Variants in SORT1 observed in about 807,000 individuals in gnomAD.
SORT1 encodes sortilin.
In SORT1, 39 loss-of-function variants were observed where a neutral mutation model predicts 101.7. The ratio of observed to expected loss-of-function variants is 0.38; its 90% CI spans 0.30 to 0.50. The LOEUF (loss-of-function observed/expected upper bound fraction) is 0.50. SORT1 is among the 20% of genes least tolerant of loss of function. The pLI, the probability that SORT1 is intolerant of heterozygous loss-of-function variation, is 0.90. For synonymous variants in SORT1, 396 were observed against 393.7 expected, an observed-to-expected ratio of 1.01 and a Z score of -0.07; for missense variants, 878 against 1,040.4, an observed-to-expected ratio of 0.84 and a Z score of 2.15.
intron 7 of SORT1, among the ~76,000 whole-genome samples, chr1:109,346,744 C>CA (rs1035471524): frequency 0.058 from 2,664 of 45,746 alleles, 130 homozygotes; most frequent in African/African-American, 0.17. Context: ...GACTCCGTCT[C>CA]AAAAAAAAAA....
At position 109,379,034 on chromosome 1, in the gene SORT1, T is replaced by G. The variant is rs528831781; in HGVS notation, c.307-9445A>C. ...GGCACACACCTGTAGGCCCAGCTAC[T>G]GAGGAGGCTGAGGCAGAAGAATTGC... On this transcript the variant is annotated intron_variant, in intron 1 of 19. Coordinates refer to ENST00000256637, the MANE Select transcript of SORT1 (RefSeq NM_002959.7). Among the ~76,000 whole-genome samples, 12 of 151,408 alleles carry G rather than the reference T, an allele frequency of 7.9e-5. No homozygotes were observed. In the South Asian group the frequency reaches 2.5e-3, roughly 32 times the overall value.
At chr1:109,357,086 C>G (rs1331178024) in intron 3 of SORT1, among the ~76,000 whole-genome samples, 3 of 152,176 alleles carry the variant, frequency 2.0e-5, no homozygotes, top group Non-Finnish European at 2.9e-5. Context: ...TGTTACCATG[C>G]CTTTTCTATG....
intron 15 of SORT1, among the ~76,000 whole-genome samples, chr1:109,318,899 C>T: frequency 6.6e-6 from 1 of 152,174 alleles, no homozygotes; most frequent in Non-Finnish European, 1.5e-5. Context: ...TCCACCTCAG[C>T]CTCCCAAAGT....
intron 1 of SORT1, among the ~76,000 whole-genome samples, chr1:109,380,584 C>T (rs1382711742): frequency 6.6e-6 from 1 of 151,880 alleles, no homozygotes; most frequent in Non-Finnish European, 1.5e-5. Flanking sequence ...GCCAAAACCT[C>T]AAACAGGTTT....
chr1:109,381,142 A>G (rs986835730), intron 1 of SORT1, among the ~76,000 whole-genome samples: 7 of 152,180 alleles, frequency 4.6e-5, no homozygotes, highest in African/African-American at 1.7e-4. Flanking sequence ...CATGTGCCTG[A>G]GCAAATCCTA....
chr1:109,313,944 C>T lies in SORT1; in HGVS notation c.*99G>A. ...GAAGCAGCAGAAACAGAGCTGGGTC[C>T]CTCGCAATGGGAAATTTATTTCCTG... On this transcript the variant is annotated 3_prime_UTR_variant, in exon 20 of 20. Transcript: ENST00000256637. 1.6e-6 allele frequency: 2 copies of T among 1,217,912 alleles called. No homozygotes were observed. Among genetic ancestry groups the T allele is most frequent in the Admixed American group, 1.8e-5 (1 of 54,744 alleles). The allele number at this position is 1,217,912 out of a possible 1,614,324, so 75.4% of individuals were successfully genotyped here. A position where few individuals can be genotyped will look rare whatever the true frequency, so the allele number is the denominator to read the frequency against.
Position 109,312,062 on chromosome 1 carries a change from C to T in SORT1, c.*1981G>A, listed in dbSNP as rs537060995. On this transcript the variant is annotated 3_prime_UTR_variant, in exon 20 of 20. Coordinates refer to ENST00000256637, the MANE Select transcript of SORT1 (RefSeq NM_002959.7). ...ATGGTTAGAGAAGAATATTGAGTTT[C>T]CTACGTCTTAAAATGAGTAAGAGGA... 8.5e-5 allele frequency: 13 copies of T among 152,192 alleles called. No individual in the cohort carries two copies. Among genetic ancestry groups the T allele is most frequent in the Non-Finnish European group, 1.5e-4 (10 of 68,040 alleles). 9.4% of individuals were successfully genotyped at this position (152,192 alleles called of 1,614,324 possible).
At chr1:109,397,351 A>C (rs1653246822) in intron 1 of SORT1, 2 of 159,826 alleles carry the variant, frequency 1.3e-5, no homozygotes. Flanking sequence ...CTTAAAAAAA[A>C]AAAAAAGAAT....
At chr1:109,316,370 A>G (rs1036172129) in intron 17 of SORT1, among the ~76,000 whole-genome samples, 1 of 151,932 alleles carries the variant, frequency 6.6e-6, no homozygotes, top group African/African-American at 2.4e-5. Flanking sequence ...GGCGTAAACC[A>G]CCACACCCAG....
At chr1:109,326,919 C>T (rs1246576278) in intron 13 of SORT1, 73 bp downstream of exon 13, 1 of 1,155,720 alleles carries the variant, frequency 8.7e-7, no homozygotes, top group Non-Finnish European at 1.2e-6. Flanking sequence ...GTAACATCCC[C>T]CCAATAAACT....
chr1:109,327,081 C>T lies in SORT1; in HGVS notation c.1554G>A (p.Met518Ile). The T allele has an allele frequency of 1.9e-6, 3 of 1,613,092 alleles. No homozygotes were observed. The highest frequency in any genetic ancestry group is 1.1e-5 in the South Asian group (1 of 91,008). The change falls in exon 13 of 20, where the codon ATG becomes ATA. Residue 518 changes from methionine to isoleucine, a missense_variant. This residue lies in a region of SORT1 where 684 missense variants were observed against 894.5 expected (regional missense o/e 0.76). Coordinates refer to ENST00000256637, the MANE Select transcript of SORT1 (RefSeq NM_002959.7). ...TGGTGTAATAGTGGGGTCCTTCCAG[C>T]ATCTTTGTCCAGGAGTAACCCCCAT... is the stretch of plus-strand genomic sequence containing the variant. ...SDDGGYSWTKMLEGPHYYTIL... is the reference protein window; with the variant it reads ...SDDGGYSWTKILEGPHYYTIL...
intron 1 of SORT1, among the ~76,000 whole-genome samples, chr1:109,391,217 G>A (rs1308698517): frequency 6.6e-6 from 1 of 152,122 alleles, no homozygotes; most frequent in African/African-American, 2.4e-5. Context: ...ATGAAAAAAA[G>A]TACTCCTGCT....
rs1650160886 is a variant in SORT1, at chr1:109,354,285, A to T, written c.708+82T>A. ...TTGAAAGAAGTCCAATATTAAAAGC[A>T]TTTCCTAAAGGATCCTTCTAAGACA... On this transcript the variant is annotated intron_variant, in intron 5 of 19. Transcript: ENST00000256637. 4.9e-6 allele frequency: 5 copies of T among 1,014,728 alleles called. No homozygotes were observed. In the African/African-American group the frequency reaches 8.1e-5, roughly 17 times the overall value. The allele number at this position is 1,014,728 out of a possible 1,614,324, so 62.9% of individuals were successfully genotyped here.
chr1:109,336,774 A>G (rs895866136), intron 10 of SORT1, among the ~76,000 whole-genome samples: 38 of 149,452 alleles, frequency 2.5e-4, no homozygotes, highest in African/African-American at 9.4e-4. Flanking sequence ...ATGCCATTGC[A>G]CTCTAGCCTG....
chr1:109,385,016 T>A (rs1652486263), intron 1 of SORT1, among the ~76,000 whole-genome samples: 1 of 152,102 alleles, frequency 6.6e-6, no homozygotes, highest in African/African-American at 2.4e-5. Flanking sequence ...AGGCGGAGGT[T>A]GCAGTGAGCT....
Position 109,371,914 on chromosome 1 carries a change from A to C in SORT1, c.307-2325T>G, listed in dbSNP as rs180981293. Reference sequence around the variant, plus strand: ...CATCTACCTATAGCAAATGTAATTAATTTTTTAATATTTCAGTCTCTAACA... The same window carrying C: ...CATCTACCTATAGCAAATGTAATTACTTTTTTAATATTTCAGTCTCTAACA... On this transcript the variant is annotated intron_variant, in intron 1 of 19. Transcript: ENST00000256637. Among the ~76,000 whole-genome samples, 4 of 152,344 alleles carry C rather than the reference A, an allele frequency of 2.6e-5. No homozygotes were observed. In the East Asian group the frequency reaches 7.7e-4, roughly 29 times the overall value.
chr1:109,337,304 T>C (rs1648898030), intron 10 of SORT1, among the ~76,000 whole-genome samples: 1 of 152,186 alleles, frequency 6.6e-6, no homozygotes, highest in African/African-American at 2.4e-5. Context: ...TGGAGTGCAA[T>C]GGCACAATCT....
At chr1:109,388,855 C>T (rs1652736914) in intron 1 of SORT1, among the ~76,000 whole-genome samples, 1 of 152,064 alleles carries the variant, frequency 6.6e-6, no homozygotes, top group Non-Finnish European at 1.5e-5. Context: ...GATCTAATAC[C>T]TGAGATCCTG....
At chr1:109,318,218 T>C (rs956532388) in intron 15 of SORT1, among the ~76,000 whole-genome samples, 3 of 150,644 alleles carry the variant, frequency 2.0e-5, no homozygotes, top group African/African-American at 7.3e-5. Flanking sequence ...CAGTGGCGTG[T>C]TCTTGGCTCA....
Sources: gnomAD v4.1 joint callset for allele counts (sites outside exome capture counted in the v4.1 genomes callset) on GRCh38, gnomAD v4.1.1 for gene constraint, gnomAD v4.1.1 regional missense constraint, MANE v1.5 for transcripts, NCBI Gene and HGNC (gene_info 2026-07-23, HGNC 2026-07-21) for gene names.